Variants in SPPL2C observed in about 807,000 individuals in gnomAD.
SPPL2C encodes the protein signal peptide peptidase-like 2C.
Under a neutral mutation model 38.8 loss-of-function variants are expected in SPPL2C, and 33 were observed. The ratio of observed to expected loss-of-function variants is 0.85; its 90% CI spans 0.64 to 1.14. The LOEUF is 1.14. Ranked by LOEUF, SPPL2C falls within the 50% of genes most tolerant of loss-of-function variation. The probability of loss-of-function intolerance (pLI) is 0.00; values close to 1 mark genes in which losing one functional copy is unlikely to be tolerated. For synonymous variants in SPPL2C, 384 were observed against 390.7 expected, an observed-to-expected ratio of 0.98 and a Z score of 0.20; for missense variants, 899 against 904.4, an observed-to-expected ratio of 0.99 and a Z score of 0.08.
rs540795310 is a variant in SPPL2C at position 45,845,039 on chromosome 17, G to A, written c.133G>A (p.Asp45Asn). 1.5e-4 allele frequency: 246 copies of A among 1,614,070 alleles called. 3 individuals are homozygous for A. In the South Asian group the frequency reaches 2.5e-3, roughly 16 times the overall value. The stretch of plus-strand genomic sequence containing the variant: ...GGACTACTGTATCCTGTTCAGCTCC[G>A]ACTACATCACCCTCCCCCGGGACCT... ...SKDYCILFSS[D>N]YITLPRDLHH... The change falls in exon 1 of 1, where the codon GAC (aspartate) becomes AAC (asparagine). Residue 45 changes from aspartate to asparagine, a missense_variant. Physicochemically the swap from Asp to Asn is conservative, Grantham distance 23. Transcript: ENST00000329196.
In SPPL2C at chr17:45,846,148, T is replaced by C. The variant is rs759411572; in HGVS notation, c.1242T>C (p.Ser414=). The C allele has an allele frequency of 1.2e-6, 2 of 1,614,208 alleles. No homozygotes were observed. Among genetic ancestry groups the C allele is most frequent in the East Asian group, 4.5e-5 (2 of 44,882 alleles). Residue 414 remains serine (S), a synonymous_variant, in exon 1 of 1, where the codon TCT becomes TCC. Coordinates refer to ENST00000329196, the MANE Select transcript of SPPL2C (RefSeq NM_175882.3). ...AGGTTGCCTTGGGCCCTGCAGAGTC[T>C]TCAAGCCATGAGAGGCTGCCCATGG... is the stretch of plus-strand genomic sequence containing the variant. ...MAQVALGPAE[S]SSHERLPMVL...
rs1018209620 is a variant in SPPL2C, at chr17:45,845,462, A to G, written c.556A>G (p.Asn186Asp). ...YAPPEPIIDY[N>D]MLVIFILAVG... ...ACCCCCAGAGCCCATCATCGACTAC[A>G]ACATGCTGGTCATCTTCATCCTGGC... is the stretch of plus-strand genomic sequence containing the variant. Residue 186 changes from asparagine (N) to aspartate (D), a missense_variant, in exon 1 of 1, where the codon AAC (asparagine) becomes GAC (aspartate). Coordinates refer to ENST00000329196, the MANE Select transcript of SPPL2C (RefSeq NM_175882.3). 3 of 1,610,206 alleles carry G rather than the reference A, an allele frequency of 1.9e-6. No individual in the cohort carries two copies. The African/African-American group carries it at 4.0e-5, about 21-fold the overall frequency.
In SPPL2C at chr17:45,845,633, G is replaced by A; in HGVS notation, c.727G>A (p.Asp243Asn). The change falls in exon 1 of 1, where the codon GAT (aspartate) becomes AAT (asparagine). Residue 243 changes from aspartate to asparagine, a missense_variant. Asp to Asn is a conservative substitution (Grantham distance 23, BLOSUM62 1). Transcript: ENST00000329196. ...AGCAGCTGAGGGAGCCCAGAAGGAA[G>A]ATAATGAGGACATCCCAGTGGACTT... is the stretch of plus-strand genomic sequence containing the variant. The part of the protein sequence containing the change: ...AAAAEGAQKE[D>N]NEDIPVDFTP... The A allele has an allele frequency of 1.2e-6, 2 of 1,613,106 alleles. No homozygotes were observed. The highest frequency in any genetic ancestry group is 1.7e-6 in the Non-Finnish European group (2 of 1,179,838).
chr17:45,845,694 C>T lies in SPPL2C; in HGVS notation c.788C>T (p.Ser263Phe). ...ATGACAGGCGTGGTGGTCACCCTGT[C>T]CTGCTCGCTCATGCTGCTGCTCTAC... ...PAMTGVVVTL[S>F]CSLMLLLYFF... The change falls in exon 1 of 1, where the codon TCC becomes TTC. Residue 263 changes from serine (S) to phenylalanine (F), a missense_variant. Coordinates refer to ENST00000329196, the MANE Select transcript of SPPL2C (RefSeq NM_175882.3). The T allele has an allele frequency of 1.2e-6, 2 of 1,613,864 alleles. No homozygotes were observed. Among genetic ancestry groups the T allele is most frequent in the Non-Finnish European group, 1.7e-6 (2 of 1,180,038 alleles).
rs149355286 is a variant in SPPL2C, at chr17:45,845,930, C to T, written c.1024C>T (p.Arg342Cys). The change falls in exon 1 of 1, where the codon CGC (arginine) becomes TGC (cysteine). Residue 342 changes from arginine (R) to cysteine (C), a missense_variant. Arg to Cys is a radical substitution (Grantham distance 180). Transcript: ENST00000329196. ...CGTGATCATCTTCTGGGTGGCCTAC[C>T]GCAATGAGGACCGCTGGGCGTGGCT... Reference protein sequence around the residue: ...ATVIIFWVAYRNEDRWAWLLQ... With the variant: ...ATVIIFWVAYCNEDRWAWLLQ... The T allele has an allele frequency of 3.2e-5, 52 of 1,608,672 alleles. No individual in the cohort carries two copies. The highest frequency in any genetic ancestry group is 6.7e-5 in the Admixed American group (4 of 60,028).
At position 45,846,197 on chromosome 17, in the gene SPPL2C, GTC is replaced by G. The variant is rs1289284546; in HGVS notation, c.1294_1295del (p.Ser432ArgfsTer16). ...GGTACTCAAAGTGCCCCGGCTAAGA[GTC>G]TCCGCCTTGACCCTGTGCAGCCAGC... ...PMVLKVPRLR[V>X]SALTLCSQPF... On this transcript the variant is annotated frameshift_variant, in exon 1 of 1. Transcript: ENST00000329196. LOFTEE classifies it high-confidence loss of function. 1.2e-6 allele frequency: 2 copies of G among 1,614,118 alleles called. No individual in the cohort carries two copies. The highest frequency in any genetic ancestry group is 1.7e-6 in the Non-Finnish European group (2 of 1,180,056).
rs2062557630 is a variant in SPPL2C at position 45,847,027 on chromosome 17, T to C, written c.*66T>C. On this transcript the variant is annotated 3_prime_UTR_variant, in exon 1 of 1. Coordinates refer to ENST00000329196, the MANE Select transcript of SPPL2C (RefSeq NM_175882.3). ...GAACATTGCAGAGCAAAGCCATGCA[T>C]GGCAACAAGAAATCAGGGTATCAAA... is the stretch of plus-strand genomic sequence containing the variant. The C allele has an allele frequency of 1.4e-6, 2 of 1,457,510 alleles. No homozygotes were observed. Among genetic ancestry groups the C allele is most frequent in the South Asian group, 1.4e-5 (1 of 73,754 alleles). The allele number at this position is 1,457,510 out of a possible 1,614,324, so 90.3% of individuals were successfully genotyped here. A position where few individuals can be genotyped will look rare whatever the true frequency, so the allele number is the denominator to read the frequency against.
chr17:45,845,129 T>TC lies in SPPL2C; in HGVS notation c.229dup (p.His77ProfsTer24). The TC allele has an allele frequency of 1.2e-6, 2 of 1,609,990 alleles. No individual in the cohort carries two copies. ...GGCACCCTGGTGCCCGGGTGAGGAT[T>TC]CCCCCCACCAGGCCCAGCTCCGCTC... On this transcript the variant is annotated frameshift_variant, in exon 1 of 1. Coordinates refer to ENST00000329196, the MANE Select transcript of SPPL2C (RefSeq NM_175882.3). LOFTEE classifies it high-confidence loss of function.
At position 45,845,906 on chromosome 17, in the gene SPPL2C, G is replaced by A. The variant is rs778406852; in HGVS notation, c.1000G>A (p.Val334Met). The change falls in exon 1 of 1, where the codon GTG becomes ATG. Residue 334 changes from valine (V) to methionine (M), a missense_variant. Val to Met is a conservative substitution (Grantham distance 21). Coordinates refer to ENST00000329196, the MANE Select transcript of SPPL2C (RefSeq NM_175882.3). Reference sequence around the variant, plus strand: ...GCTGCTGGCGAGCCTGTGCGCAACCGTGATCATCTTCTGGGTGGCCTACCG... The same window carrying A: ...GCTGCTGGCGAGCCTGTGCGCAACCATGATCATCTTCTGGGTGGCCTACCG... ...LLLLASLCAT[V>M]IIFWVAYRNE... 27 of 1,606,918 alleles carry A rather than the reference G, an allele frequency of 1.7e-5. No homozygotes were observed. The highest frequency in any genetic ancestry group is 7.7e-5 in the South Asian group (7 of 91,090).
At position 45,846,445 on chromosome 17, in the gene SPPL2C, G is replaced by A; in HGVS notation, c.1539G>A (p.Leu513=). The change falls in exon 1 of 1, where the codon CTG becomes CTA. Residue 513 remains leucine, a synonymous_variant. Coordinates refer to ENST00000329196, the MANE Select transcript of SPPL2C (RefSeq NM_175882.3). Reference sequence around the variant, plus strand: ...TGTCCAGCACCCTGCTCACCAGCCTGGCTGTGGCTGCCTGCCGCCAAGAGC... The same window carrying A: ...TGTCCAGCACCCTGCTCACCAGCCTAGCTGTGGCTGCCTGCCGCCAAGAGC... ...YLVSSTLLTS[L]AVAACRQELS... is the part of the protein sequence containing the mutation. The A allele has an allele frequency of 6.2e-7, 1 of 1,612,988 alleles. No homozygotes were observed. The highest frequency in any genetic ancestry group is 8.5e-7 in the Non-Finnish European group (1 of 1,180,032).
rs1341791492 is a variant in SPPL2C, at chr17:45,845,447, C to T, written c.541C>T (p.Pro181Ser). ...CGTGGCCATGTACGCACCCCCAGAG[C>T]CCATCATCGACTACAACATGCTGGT... The part of the protein sequence containing the change: ...VRVAMYAPPE[P>S]IIDYNMLVIF... The change falls in exon 1 of 1, where the codon CCC becomes TCC. Residue 181 changes from proline to serine, a missense_variant. Pro to Ser is a moderately conservative substitution (Grantham distance 74). Coordinates refer to ENST00000329196, the MANE Select transcript of SPPL2C (RefSeq NM_175882.3). 1.2e-6 allele frequency: 2 copies of T among 1,611,442 alleles called. No individual in the cohort carries two copies. Among genetic ancestry groups the T allele is most frequent in the Admixed American group, 1.7e-5 (1 of 60,026 alleles).
Position 45,846,872 on chromosome 17 carries a change from G to GCCCAGT in SPPL2C, c.1970_1971insGTCCCA (p.Ala656_His657insGlnSer). 6.2e-7 allele frequency: 1 copy of GCCCAGT among 1,612,044 alleles called. No homozygotes were observed. The highest frequency in any genetic ancestry group is 8.5e-7 in the Non-Finnish European group (1 of 1,179,158). On this transcript the variant is annotated inframe_insertion, in exon 1 of 1. Coordinates refer to ENST00000329196, the MANE Select transcript of SPPL2C (RefSeq NM_175882.3). ...GGGCCATGTCCATGCCCAGGCCCAG[G>GCCCAGT]CCCACGAGACTGGCCTGCCCTGGGC...
Position 45,846,834 on chromosome 17 carries a change from C to G in SPPL2C, c.1928C>G (p.Pro643Arg), listed in dbSNP as rs12373142. 0.19 allele frequency: 304,523 copies of G among 1,613,740 alleles called. 32,767 individuals carry two copies. Among genetic ancestry groups the G allele is most frequent in the Non-Finnish European group, 0.22 (261,311 of 1,179,868 alleles). Residue 643 changes from proline (P) to arginine (R), a missense_variant, in exon 1 of 1, where the codon CCG becomes CGG. Pro to Arg is a moderately radical substitution (Grantham distance 103). Transcript: ENST00000329196. ...ATCCCACTCATGCCCCTGATGCCCC[C>G]GCCCTCAGAGCTGGGCCATGTCCAT... The part of the protein sequence containing the change: ...MLIPLMPLMP[P>R]PSELGHVHAQ...
In SPPL2C at chr17:45,845,297, G is replaced by A. The variant is rs1402440442; in HGVS notation, c.391G>A (p.Asp131Asn). 1 of 1,614,052 alleles carries A rather than the reference G, an allele frequency of 6.2e-7. No individual in the cohort carries two copies. Among genetic ancestry groups the A allele is most frequent in the Non-Finnish European group, 8.5e-7 (1 of 1,180,012 alleles). Residue 131 changes from aspartate to asparagine, a missense_variant, in exon 1 of 1, where the codon GAC (aspartate) becomes AAC (asparagine). By Grantham distance (23) the Asp-to-Asn change is conservative. Coordinates refer to ENST00000329196, the MANE Select transcript of SPPL2C (RefSeq NM_175882.3). ...VSRVSDQQCS[D>N]TTLAPQDPRQ... ...CCGGGTCAGTGACCAACAGTGCTCA[G>A]ACACCACCCTGGCACCCCAGGATCC...
In SPPL2C at chr17:45,845,343, T is replaced by G; in HGVS notation, c.437T>G (p.Leu146Arg). 6.2e-7 allele frequency: 1 copy of G among 1,613,998 alleles called. No individual in the cohort carries two copies. Among genetic ancestry groups the G allele is most frequent in the South Asian group, 1.1e-5 (1 of 91,084 alleles). The change falls in exon 1 of 1, where the codon CTC (leucine) becomes CGC (arginine). Residue 146 changes from leucine (L) to arginine (R), a missense_variant. Physicochemically the swap from Leu to Arg is moderately radical, Grantham distance 102 (BLOSUM62 -2). Coordinates refer to ENST00000329196, the MANE Select transcript of SPPL2C (RefSeq NM_175882.3). ...GATCCCCGCCAGCCCCTGGCAGACC[T>G]CACCATCCCTGTGGCTATGCTCCAC... is the stretch of plus-strand genomic sequence containing the variant. Reference protein sequence around the residue: ...PQDPRQPLADLTIPVAMLHYA... With the variant: ...PQDPRQPLADRTIPVAMLHYA...
rs147273271 is a variant in SPPL2C at position 45,846,644 on chromosome 17, A to G, written c.1738A>G (p.Thr580Ala). ...CTTAGACAGCAACCCTGGAGAAGAC[A>G]CCACTGAGATTGTCACCATATCTGA... The part of the protein sequence containing the change: ...GDLDSNPGED[T>A]TEIVTISENE... The change falls in exon 1 of 1, where the codon ACC becomes GCC. Residue 580 changes from threonine to alanine, a missense_variant. Coordinates refer to ENST00000329196, the MANE Select transcript of SPPL2C (RefSeq NM_175882.3). The G allele has an allele frequency of 4.5e-4, 724 of 1,614,238 alleles. No homozygotes were observed. Among genetic ancestry groups the G allele is most frequent in the Non-Finnish European group, 5.3e-4 (627 of 1,180,044 alleles).
chr17:45,846,979 A>T lies in SPPL2C; in HGVS notation c.*18A>T, dbSNP rs1354863064. ...CCTTGTGAACTGGAGGCACTGGGAC[A>T]CACGCCTCTCAAAGGGCTGGTGGAA... On this transcript the variant is annotated 3_prime_UTR_variant, in exon 1 of 1. Coordinates refer to ENST00000329196, the MANE Select transcript of SPPL2C (RefSeq NM_175882.3). 8.5e-6 allele frequency: 13 copies of T among 1,525,946 alleles called. No individual in the cohort carries two copies. Among genetic ancestry groups the T allele is most frequent in the South Asian group, 1.2e-5 (1 of 80,540 alleles). 94.5% of individuals were successfully genotyped at this position (1,525,946 alleles called of 1,614,324 possible).
rs1490770308 is a variant in SPPL2C, at chr17:45,845,860, C to T, written c.954C>T (p.Ala318=). 6.2e-7 allele frequency: 1 copy of T among 1,605,568 alleles called. No individual in the cohort carries two copies. The highest frequency in any genetic ancestry group is 8.5e-7 in the Non-Finnish European group (1 of 1,179,982). ...QYQRPPHSLW[A]SLPLPLLLLA... ...AGAGGCCTCCGCACAGCCTCTGGGC[C>T]TCTCTGCCGCTGCCTCTGCTGCTGC... The change falls in exon 1 of 1, where the codon GCC becomes GCT. Residue 318 remains alanine (A), a synonymous_variant. Transcript: ENST00000329196.
Position 45,845,898 on chromosome 17 carries a change from G to A in SPPL2C, c.992G>A (p.Cys331Tyr). ...PLPLLLLASLCATVIIFWVAY... is the reference protein window; with the variant it reads ...PLPLLLLASLYATVIIFWVAY... ...CCTCTGCTGCTGCTGGCGAGCCTGT[G>A]CGCAACCGTGATCATCTTCTGGGTG... is the stretch of plus-strand genomic sequence containing the variant. Residue 331 changes from cysteine to tyrosine, a missense_variant, in exon 1 of 1, where the codon TGC becomes TAC. Physicochemically the swap from Cys to Tyr is radical, Grantham distance 194 (BLOSUM62 -2). Transcript: ENST00000329196. The A allele has an allele frequency of 6.2e-7, 1 of 1,606,580 alleles. No individual in the cohort carries two copies. The highest frequency in any genetic ancestry group is 1.1e-5 in the South Asian group (1 of 91,078).
Sources: allele counts gnomAD v4.1 joint callset, GRCh38; gene constraint gnomAD v4.1.1; transcripts MANE v1.5; gene names NCBI Gene and HGNC (gene_info 2026-07-23, HGNC 2026-07-21).